Variants in LRRIQ3 observed in about 807,000 individuals in gnomAD.
LRRIQ3 encodes leucine-rich repeat and IQ domain-containing protein 3.
A neutral mutation model predicts 59.3 loss-of-function variants in LRRIQ3; 75 were observed. The observed-to-expected ratio is 1.26, with a 90% CI of 1.05 to 1.53. The LOEUF (loss-of-function observed/expected upper bound fraction) is 1.53. Among genes scored for constraint, LRRIQ3 ranks in the 40% most tolerant of loss-of-function variants. LRRIQ3 has a pLI of 0.00. For synonymous variants in LRRIQ3, 250 were observed against 231.3 expected, an observed-to-expected ratio of 1.08 and a Z score of -0.73; for missense variants, 831 against 710.0, an observed-to-expected ratio of 1.17 and a Z score of -1.94.
chr1:74,055,180 T>TATATATA (rs1394432994), intron 6 of LRRIQ3, among the ~76,000 whole-genome samples: 1 of 139,970 alleles, frequency 7.1e-6, no homozygotes, highest in African/African-American at 2.7e-5. Context: ...CATATACACT[T>TATATATA]TATATATATA....
chr1:74,093,842 T>C (rs926463680), intron 5 of LRRIQ3, among the ~76,000 whole-genome samples: 2 of 152,112 alleles, frequency 1.3e-5, no homozygotes, highest in African/African-American at 4.8e-5. Flanking sequence ...CTTCCCTTCA[T>C]GACATGGTTT....
chr1:74,193,689 C>A (rs1650915838), intron 1 of LRRIQ3, among the ~76,000 whole-genome samples: 1 of 151,914 alleles, frequency 6.6e-6, no homozygotes. Flanking sequence ...CTTTCAGATA[C>A]TTGGAAGACA....
At chr1:74,156,968 A>G (rs1357830630) in intron 3 of LRRIQ3, among the ~76,000 whole-genome samples, 1 of 152,124 alleles carries the variant, frequency 6.6e-6, no homozygotes, top group Admixed American at 6.5e-5. Context: ...TTACACTTAA[A>G]ACATACACCT....
chr1:74,109,845 C>T (rs1386663023), intron 4 of LRRIQ3, among the ~76,000 whole-genome samples: 2 of 151,530 alleles, frequency 1.3e-5, no homozygotes, highest in Non-Finnish European at 3.0e-5. Flanking sequence ...GAGAACATGT[C>T]TAAATTATCT....
chr1:74,077,359 A>C (rs1646220702), intron 5 of LRRIQ3, among the ~76,000 whole-genome samples: 1 of 151,762 alleles, frequency 6.6e-6, no homozygotes, highest in African/African-American at 2.4e-5. Context: ...TATATATCTC[A>C]CTTTTATCCT....
At chr1:74,132,066 G>A (rs1022590883) in intron 4 of LRRIQ3, among the ~76,000 whole-genome samples, 1 of 151,764 alleles carries the variant, frequency 6.6e-6, no homozygotes, top group African/African-American at 2.4e-5. Flanking sequence ...TATCACAAAC[G>A]TTCTTATGCA....
chr1:74,030,745 G>A (rs1409053280), intron 7 of LRRIQ3, among the ~76,000 whole-genome samples: 1 of 152,142 alleles, frequency 6.6e-6, no homozygotes, highest in African/African-American at 2.4e-5. Flanking sequence ...GGCAACAAAA[G>A]CCGAAATTGA....
At chr1:74,067,907 ATT>A in intron 6 of LRRIQ3, among the ~76,000 whole-genome samples, 1 of 152,080 alleles carries the variant, frequency 6.6e-6, no homozygotes, top group East Asian at 1.9e-4. Context: ...TTTTTCTTTT[ATT>A]TTGTCTTGAA....
Position 74,054,219 on chromosome 1 carries a change from T to TAA in LRRIQ3, c.998-12288_998-12287dup, listed in dbSNP as rs199869076. Among the ~76,000 whole-genome samples the TAA allele has an allele frequency of 9.6e-4, 145 of 150,658 alleles. 1 individual carries two copies. Among genetic ancestry groups the TAA allele is most frequent in the African/African-American group, 3.4e-3 (141 of 41,240 alleles). On this transcript the variant is annotated intron_variant, in intron 6 of 7. Coordinates refer to ENST00000354431, the MANE Select transcript of LRRIQ3 (RefSeq NM_001105659.2). ...GCTAAAGACTTGTGCTATCAAGCCA[T>TAA]AAAAAAAAACCACGAAAAATAAATG...
chr1:74,149,952 G>C (rs894673035), intron 4 of LRRIQ3, among the ~76,000 whole-genome samples: 5 of 152,176 alleles, frequency 3.3e-5, no homozygotes, highest in Non-Finnish European at 5.9e-5. Context: ...TTTCTTAGCT[G>C]CCAGTGTACC....
intron 4 of LRRIQ3, among the ~76,000 whole-genome samples, chr1:74,141,889 A>G (rs911570568): frequency 7.9e-5 from 12 of 151,864 alleles, no homozygotes; most frequent in Non-Finnish European, 1.6e-4. Context: ...TTAATCCTGG[A>G]GAGATTAAAC....
At chr1:74,033,291 C>A (rs1237669932) in intron 7 of LRRIQ3, among the ~76,000 whole-genome samples, 1 of 151,598 alleles carries the variant, frequency 6.6e-6, no homozygotes, top group Non-Finnish European at 1.5e-5. Flanking sequence ...ATAATCAAGG[C>A]AATGAAATGA....
chr1:74,170,809 G>T (rs1046002846), intron 3 of LRRIQ3, among the ~76,000 whole-genome samples: 1 of 151,986 alleles, frequency 6.6e-6, no homozygotes, highest in Non-Finnish European at 1.5e-5. Flanking sequence ...CATGAACCCA[G>T]GATACCTTCC....
chr1:74,094,997 C>T (rs1487629859), intron 5 of LRRIQ3: 1 of 152,202 alleles, frequency 6.6e-6, no homozygotes, highest in East Asian at 1.9e-4. Flanking sequence ...TTCTTAGCCT[C>T]TTGTAGCTAT....
At chr1:74,119,713 C>T (rs1482458411) in intron 4 of LRRIQ3, among the ~76,000 whole-genome samples, 6 of 152,076 alleles carry the variant, frequency 3.9e-5, no homozygotes. Context: ...TAAAATAATA[C>T]TCCTATCCTA....
Position 74,182,614 on chromosome 1 carries a change from T to C in LRRIQ3, c.497A>G (p.Gln166Arg). 1.2e-6 allele frequency: 2 copies of C among 1,608,910 alleles called. No homozygotes were observed. Among genetic ancestry groups the C allele is most frequent in the Admixed American group, 3.4e-5 (2 of 59,242 alleles). Residue 166 changes from glutamine (Q) to arginine (R), a missense_variant, in exon 3 of 8, where the codon CAG becomes CGG. Physicochemically the swap from Gln to Arg is conservative, Grantham distance 43 (BLOSUM62 1). Transcript: ENST00000354431. ...GAATCTTTCAGGAAGATGCCAGTTC[T>C]GAATTATTTCTTCATCAGAAATCAC... The part of the protein sequence containing the change: ...HHVISDEEII[Q>R]NWHLPERFKA...
intron 5 of LRRIQ3, among the ~76,000 whole-genome samples, chr1:74,095,585 C>A (rs138766307): frequency 1.8e-4 from 28 of 152,152 alleles, no homozygotes; most frequent in Admixed American, 1.3e-3. Context: ...ATCTCATAAG[C>A]AACTTACATT....
Position 74,183,434 on chromosome 1 carries a change from A to C in LRRIQ3, c.249+2T>G. 6.4e-7 allele frequency: 1 copy of C among 1,564,558 alleles called. No homozygotes were observed. Among genetic ancestry groups the C allele is most frequent in the Non-Finnish European group, 8.6e-7 (1 of 1,156,330 alleles). ...CAAATATCTGAAATGGCTATTGCTT[A>C]CCTGATTTCCATGGAGATCAAGTTT... On this transcript the variant is annotated splice_donor_variant, in intron 2 of 7. Coordinates refer to ENST00000354431, the MANE Select transcript of LRRIQ3 (RefSeq NM_001105659.2). LOFTEE classifies it high-confidence loss of function.
chr1:74,050,215 C>A (rs541567159), intron 6 of LRRIQ3, among the ~76,000 whole-genome samples: 1 of 152,218 alleles, frequency 6.6e-6, no homozygotes, highest in African/African-American at 2.4e-5. Context: ...AGCCACCACA[C>A]CCACCTTGCA....
Sources: gnomAD v4.1 joint callset for allele counts (sites outside exome capture counted in the v4.1 genomes callset) on GRCh38, gnomAD v4.1.1 for gene constraint, MANE v1.5 for transcripts, NCBI Gene and HGNC (gene_info 2026-07-23, HGNC 2026-07-21) for gene names.